GRID1: variants seen among roughly 807,000 people sequenced by gnomAD.
GRID1 encodes glutamate ionotropic receptor delta type subunit 1, also known as glutamate receptor ionotropic, delta-1.
A neutral mutation model predicts 98.0 loss-of-function variants in GRID1; 28 were observed. That is an observed-to-expected ratio of 0.29 (90% CI 0.21 to 0.39). GRID1 has a LOEUF of 0.39. GRID1 is among the 10% of genes least tolerant of loss of function. GRID1 has a pLI of 1.00. For synonymous variants in GRID1, 553 were observed against 538.5 expected, an observed-to-expected ratio of 1.03 and a Z score of -0.37; for missense variants, 1,111 against 1,340.5, an observed-to-expected ratio of 0.83 and a Z score of 2.67.
intron 4 of GRID1, among the ~76,000 whole-genome samples, chr10:85,978,416 G>A (rs1842501872): frequency 6.6e-6 from 1 of 152,164 alleles, no homozygotes; most frequent in South Asian, 2.1e-4. Flanking sequence ...CATAAATAAG[G>A]CATAATAAAT....
intron 4 of GRID1, among the ~76,000 whole-genome samples, chr10:85,983,465 G>A (rs1390170942): frequency 2.6e-5 from 4 of 152,166 alleles, no homozygotes; most frequent in Non-Finnish European, 4.4e-5. Flanking sequence ...GCACAATCCC[G>A]GAAATTAGCC....
chr10:85,741,193 C>T (rs1294396848), intron 8 of GRID1, among the ~76,000 whole-genome samples: 1 of 152,066 alleles, frequency 6.6e-6, no homozygotes, highest in Non-Finnish European at 1.5e-5. Flanking sequence ...TTTTCTTAGA[C>T]TCAGGGTCCC....
At chr10:85,807,093 T>C (rs948258839) in intron 8 of GRID1, among the ~76,000 whole-genome samples, 2 of 152,162 alleles carry the variant, frequency 1.3e-5, no homozygotes, top group Non-Finnish European at 2.9e-5. Flanking sequence ...CTTATGTTTG[T>C]AATCTCAGCA....
At chr10:86,078,898 A>C (rs1291061285) in intron 4 of GRID1, among the ~76,000 whole-genome samples, 2 of 152,216 alleles carry the variant, frequency 1.3e-5, no homozygotes, top group African/African-American at 2.4e-5. Context: ...TGCAAACCTG[A>C]CAGGTAGACT....
intron 12 of GRID1, among the ~76,000 whole-genome samples, chr10:85,695,233 T>A (rs1455378078): frequency 6.6e-6 from 1 of 152,184 alleles, no homozygotes; most frequent in South Asian, 2.1e-4. Flanking sequence ...TTGCCTTCCT[T>A]AAGAACTCAG....
At position 85,814,466 on chromosome 10, in the gene GRID1, C is replaced by T. The variant is rs1009617205; in HGVS notation, c.1233+40030G>A. ...AAGCAGAAATGATTGAAGTTAAAAA[C>T]AGAAAAACAACAGAGAAAAATCAAT... On this transcript the variant is annotated intron_variant, in intron 8 of 15. Coordinates refer to ENST00000327946, the MANE Select transcript of GRID1 (RefSeq NM_017551.3). 2.6e-5 allele frequency among the ~76,000 whole-genome samples: 4 copies of T among 151,720 alleles called. No homozygotes were observed. The East Asian group carries it at 7.7e-4, about 29-fold the overall frequency.
At chr10:85,721,348 T>A in intron 12 of GRID1, among the ~76,000 whole-genome samples, 1 of 152,334 alleles carries the variant, frequency 6.6e-6, no homozygotes, top group South Asian at 2.1e-4. Context: ...CTTGGGTGTT[T>A]ATCACATGTA....
intron 5 of GRID1, among the ~76,000 whole-genome samples, chr10:85,908,278 C>T (rs1455376032): frequency 1.3e-5 from 2 of 152,098 alleles, no homozygotes; most frequent in Non-Finnish European, 2.9e-5. Context: ...AATATTTTCT[C>T]TAAGAAAATC....
intron 12 of GRID1, among the ~76,000 whole-genome samples, chr10:85,691,589 A>G (rs1841332853): frequency 6.6e-6 from 1 of 152,158 alleles, no homozygotes; most frequent in South Asian, 2.1e-4. Context: ...TTTTTCTGAA[A>G]AATTTGGAAT....
chr10:85,883,775 G>A (rs1477361350), intron 5 of GRID1, among the ~76,000 whole-genome samples: 2 of 152,078 alleles, frequency 1.3e-5, no homozygotes, highest in Non-Finnish European at 2.9e-5. Context: ...TAAAGACACC[G>A]TAAATAGTGG....
At chr10:85,754,682 T>G (rs966321657) in intron 8 of GRID1, among the ~76,000 whole-genome samples, 1 of 152,224 alleles carries the variant, frequency 6.6e-6, no homozygotes, top group Non-Finnish European at 1.5e-5. Flanking sequence ...ACTTCTCATT[T>G]CCTTGACTTA....
chr10:86,277,077 G>C (rs1847282888), intron 2 of GRID1, among the ~76,000 whole-genome samples: 1 of 152,188 alleles, frequency 6.6e-6, no homozygotes, highest in African/African-American at 2.4e-5. Context: ...AAAATGGAGA[G>C]TTATTGTTTA....
intron 4 of GRID1, among the ~76,000 whole-genome samples, chr10:85,952,852 C>A (rs1166086188): frequency 2.0e-5 from 3 of 152,172 alleles, no homozygotes; most frequent in African/African-American, 7.2e-5. Context: ...GCCTCTTCCA[C>A]CCCTAGAGAG....
chr10:85,941,160 G>T (rs1490239710), intron 4 of GRID1, among the ~76,000 whole-genome samples: 1 of 152,206 alleles, frequency 6.6e-6, no homozygotes, highest in Non-Finnish European at 1.5e-5. Flanking sequence ...AATCCTGGCT[G>T]CACTATATGC....
chr10:86,048,177 G>A (rs1039734254), intron 4 of GRID1, among the ~76,000 whole-genome samples: 2 of 152,116 alleles, frequency 1.3e-5, no homozygotes, highest in African/African-American at 4.8e-5. Flanking sequence ...ACCAGGAAGG[G>A]GCTCTAATTT....
chr10:85,827,678 A>T (rs1452895670), intron 8 of GRID1, among the ~76,000 whole-genome samples: 2 of 141,596 alleles, frequency 1.4e-5, no homozygotes, highest in African/African-American at 5.2e-5. Context: ...AACAATGGTT[A>T]AAAAAAAAAA....
intron 4 of GRID1, among the ~76,000 whole-genome samples, chr10:85,999,211 C>CA (rs60210628): frequency 0.099 from 12,833 of 129,928 alleles, 722 homozygotes; most frequent in Middle Eastern, 0.19. Flanking sequence ...GACTCTATTT[C>CA]AAAAAAAAAA....
At chr10:86,194,681 G>A (rs565262276) in intron 3 of GRID1, among the ~76,000 whole-genome samples, 6 of 152,096 alleles carry the variant, frequency 3.9e-5, no homozygotes, top group Non-Finnish European at 8.8e-5. Flanking sequence ...CCAAAGCAGG[G>A]TGGTCTCCCC....
At chr10:85,965,387 A>G (rs1842323743) in intron 4 of GRID1, among the ~76,000 whole-genome samples, 1 of 152,240 alleles carries the variant, frequency 6.6e-6, no homozygotes, top group African/African-American at 2.4e-5. Context: ...GAACCAATCC[A>G]AATGCCCATC....
Sources: allele counts gnomAD v4.1 joint callset (sites outside exome capture counted in the v4.1 genomes callset), GRCh38; gene constraint gnomAD v4.1.1; transcripts MANE v1.5; gene names NCBI Gene and HGNC (gene_info 2026-07-23, HGNC 2026-07-21).